FAM168A: variants seen among roughly 807,000 people sequenced by gnomAD.
The protein encoded by FAM168A is protein FAM168A.
In FAM168A, 3 loss-of-function variants were observed where a neutral mutation model predicts 28.5. The observed-to-expected ratio is 0.11, with a 90% CI of 0.05 to 0.27. FAM168A has a LOEUF of 0.27. Ranked by LOEUF, FAM168A falls within the 10% of genes least tolerant of loss-of-function variation. The pLI, the probability that FAM168A is intolerant of heterozygous loss-of-function variation, is 1.00. For synonymous variants in FAM168A, 122 were observed against 124.2 expected, an observed-to-expected ratio of 0.98 and a Z score of 0.12; for missense variants, 222 against 311.5, an observed-to-expected ratio of 0.71 and a Z score of 2.16.
intron 4 of FAM168A, among the ~76,000 whole-genome samples, chr11:73,415,203 G>A (rs1473252962): frequency 6.6e-6 from 1 of 152,226 alleles, no homozygotes; most frequent in Non-Finnish European, 1.5e-5. Context: ...GGCAGCCAAA[G>A]AGATGATGCT....
chr11:73,559,979 G>A, intron 1 of FAM168A, among the ~76,000 whole-genome samples: 1 of 152,188 alleles, frequency 6.6e-6, no homozygotes, highest in Admixed American at 6.5e-5. Flanking sequence ...AAAATCCTCA[G>A]TACCACTACT....
intron 1 of FAM168A, among the ~76,000 whole-genome samples, chr11:73,576,164 C>G (rs1451522563): frequency 6.6e-6 from 1 of 152,178 alleles, no homozygotes; most frequent in African/African-American, 2.4e-5. Context: ...AGCAGAGTTT[C>G]TTCTCCATTC....
chr11:73,556,695 A>T (rs1481253194), intron 1 of FAM168A, among the ~76,000 whole-genome samples: 1 of 151,980 alleles, frequency 6.6e-6, no homozygotes, highest in East Asian at 1.9e-4. Context: ...TGAGATGATA[A>T]ATTTTATGTT....
intron 1 of FAM168A, among the ~76,000 whole-genome samples, chr11:73,565,430 A>G (rs1944010520): frequency 6.6e-6 from 1 of 152,180 alleles, no homozygotes; most frequent in African/African-American, 2.4e-5. Flanking sequence ...GACAGGAGGT[A>G]AATAAAGGGT....
At chr11:73,535,098 C>T (rs747520166) in intron 1 of FAM168A, among the ~76,000 whole-genome samples, 4 of 152,168 alleles carry the variant, frequency 2.6e-5, no homozygotes, top group Non-Finnish European at 5.9e-5. Flanking sequence ...CACACATAGC[C>T]CAGGCAAATC....
At chr11:73,574,924 G>C (rs1236075364) in intron 1 of FAM168A, among the ~76,000 whole-genome samples, 1 of 142,248 alleles carries the variant, frequency 7.0e-6, no homozygotes, top group Non-Finnish European at 1.5e-5. Flanking sequence ...ATTATCCCCT[G>C]ATACTCTACT....
chr11:73,453,787 GA>G (rs1465128912), intron 2 of FAM168A, among the ~76,000 whole-genome samples: 1 of 152,182 alleles, frequency 6.6e-6, no homozygotes, highest in African/African-American at 2.4e-5. Context: ...ATTCCAATGA[GA>G]ATCTATGCAG....
At chr11:73,515,682 C>T (rs1281885667) in intron 1 of FAM168A, among the ~76,000 whole-genome samples, 1 of 151,932 alleles carries the variant, frequency 6.6e-6, no homozygotes, top group African/African-American at 2.4e-5. Flanking sequence ...CATGACCTAA[C>T]ATAGGGGCTC....
intron 1 of FAM168A, among the ~76,000 whole-genome samples, chr11:73,519,774 A>G (rs1943352684): frequency 7.6e-6 from 1 of 131,810 alleles, no homozygotes; most frequent in Non-Finnish European, 1.5e-5. Flanking sequence ...AGACCAGAGC[A>G]TGTATGTGTG....
chr11:73,407,358 A>G (rs1253857218), intron 7 of FAM168A, among the ~76,000 whole-genome samples, 155 bp downstream of exon 7: 1 of 152,182 alleles, frequency 6.6e-6, no homozygotes, highest in Non-Finnish European at 1.5e-5. Context: ...TATTATTAAG[A>G]GTGATATTAT....
chr11:73,570,604 T>C (rs145570829), intron 1 of FAM168A, among the ~76,000 whole-genome samples: 232 of 151,938 alleles, frequency 1.5e-3, no homozygotes, highest in Middle Eastern at 0.01. Context: ...CATGATGGCA[T>C]GCACCTATTG....
intron 2 of FAM168A, among the ~76,000 whole-genome samples, chr11:73,431,320 C>G (rs374268557): frequency 2.0e-5 from 3 of 151,944 alleles, no homozygotes; most frequent in African/African-American, 7.3e-5. Flanking sequence ...CTAGCCTGGG[C>G]GACAGAGCAA....
At chr11:73,481,328 C>T (rs1867964858) in intron 1 of FAM168A, among the ~76,000 whole-genome samples, 1 of 152,166 alleles carries the variant, frequency 6.6e-6, no homozygotes. Flanking sequence ...TGACTGTAAA[C>T]CCCATGAGAG....
chr11:73,547,967 G>T (rs12290785), intron 1 of FAM168A, among the ~76,000 whole-genome samples: 16,367 of 152,068 alleles, frequency 0.11, 992 homozygotes, highest in African/African-American at 0.15. Flanking sequence ...TATACCAAGT[G>T]AAATAAGCCA....
intron 2 of FAM168A, among the ~76,000 whole-genome samples, chr11:73,449,727 C>T (rs1357318873): frequency 6.6e-6 from 1 of 152,240 alleles, no homozygotes; most frequent in South Asian, 2.1e-4. Flanking sequence ...GGCCTCCTGC[C>T]ATGCAGGCAT....
At chr11:73,522,387 T>TCGGCTCACTCCAAGCTC (rs1158786718) in intron 1 of FAM168A, among the ~76,000 whole-genome samples, 3 of 152,078 alleles carry the variant, frequency 2.0e-5, no homozygotes, top group Non-Finnish European at 4.4e-5. Flanking sequence ...TGGTGCGATC[T>TCGGCTCACTCCAAGCTC]CGGCTCACTC....
intron 3 of FAM168A, among the ~76,000 whole-genome samples, chr11:73,425,648 A>G (rs1402208020): frequency 1.3e-5 from 2 of 152,256 alleles, no homozygotes; most frequent in African/African-American, 4.8e-5. Flanking sequence ...TGGTGCAATG[A>G]TAGCTCAATG....
intron 1 of FAM168A, among the ~76,000 whole-genome samples, chr11:73,575,864 T>C (rs528723680): frequency 2.0e-5 from 3 of 148,320 alleles, no homozygotes; most frequent in African/African-American, 7.6e-5. Flanking sequence ...AGTCAAACTA[T>C]GTCAAAAAAA....
chr11:73,481,884 C>T (rs1867971863), intron 1 of FAM168A, among the ~76,000 whole-genome samples: 1 of 152,180 alleles, frequency 6.6e-6, no homozygotes, highest in Non-Finnish European at 1.5e-5. Context: ...GCTCTGCCGT[C>T]ATGAATGGAT....
Sources: allele counts gnomAD v4.1 joint callset (sites outside exome capture counted in the v4.1 genomes callset), GRCh38; gene constraint gnomAD v4.1.1; transcripts MANE v1.5; gene names NCBI Gene and HGNC (gene_info 2026-07-23, HGNC 2026-07-21).